Variants in NDST3 observed in about 807,000 individuals in gnomAD.
NDST3 encodes the protein bifunctional heparan sulfate N-deacetylase/N-sulfotransferase 3.
NDST3 carries 58 observed loss-of-function variants against 96.1 expected under a neutral mutation model. That is an observed-to-expected ratio of 0.60 (90% CI 0.49 to 0.75). The LOEUF (loss-of-function observed/expected upper bound fraction) is 0.75. Ranked by LOEUF, NDST3 falls within the 30% of genes least tolerant of loss-of-function variation. The pLI is 0.00. For synonymous variants in NDST3, 333 were observed against 359.7 expected, an observed-to-expected ratio of 0.93 and a Z score of 0.84; for missense variants, 788 against 1,034.2, an observed-to-expected ratio of 0.76 and a Z score of 3.27.
chr4:118,036,755 C>A (rs1724174971), intron 1 of NDST3, among the ~76,000 whole-genome samples: 2 of 152,076 alleles, frequency 1.3e-5, no homozygotes, highest in African/African-American at 2.4e-5. Context: ...TAAACATTTT[C>A]ATCGATTTCA....
At chr4:118,081,451 G>C (rs985281316) in intron 2 of NDST3, among the ~76,000 whole-genome samples, 3 of 152,084 alleles carry the variant, frequency 2.0e-5, no homozygotes, top group African/African-American at 7.2e-5. Flanking sequence ...TGATACAAAA[G>C]TACATTGCAG....
intron 6 of NDST3, among the ~76,000 whole-genome samples, chr4:118,175,190 AC>A (rs1736200266): frequency 6.6e-6 from 1 of 151,974 alleles, no homozygotes; most frequent in Non-Finnish European, 1.5e-5. Context: ...ATTTTTTCCA[AC>A]AGAATCTTTC....
chr4:118,084,707 C>T (rs1299132170), intron 2 of NDST3, among the ~76,000 whole-genome samples: 2 of 152,198 alleles, frequency 1.3e-5, no homozygotes, highest in Non-Finnish European at 2.9e-5. Flanking sequence ...TAGAGATAGA[C>T]TCTTACTATT....
intron 10 of NDST3, among the ~76,000 whole-genome samples, chr4:118,237,431 AT>A (rs2126003550): frequency 6.6e-6 from 1 of 151,806 alleles, no homozygotes; most frequent in African/African-American, 2.4e-5. Context: ...TAATCAATTA[AT>A]TTAATAAAAT....
intron 6 of NDST3, among the ~76,000 whole-genome samples, chr4:118,149,281 A>G (rs1195665498): frequency 6.6e-6 from 1 of 151,840 alleles, no homozygotes; most frequent in East Asian, 1.9e-4. Context: ...GTTTTTTCCA[A>G]TTCTGTGAAG....
At chr4:118,162,405 T>C (rs1381714384) in intron 6 of NDST3, among the ~76,000 whole-genome samples, 2 of 152,058 alleles carry the variant, frequency 1.3e-5, no homozygotes, top group Non-Finnish European at 2.9e-5. Flanking sequence ...AACACAGATA[T>C]AGATCAATGG....
At chr4:118,093,655 T>C (rs1237770742) in intron 2 of NDST3, among the ~76,000 whole-genome samples, 2 of 151,876 alleles carry the variant, frequency 1.3e-5, no homozygotes, top group African/African-American at 2.4e-5. Flanking sequence ...TCCTAACTTA[T>C]CGTATCTAAT....
At chr4:118,041,011 G>T (rs140462712) in intron 1 of NDST3, among the ~76,000 whole-genome samples, 1 of 151,214 alleles carries the variant, frequency 6.6e-6, no homozygotes, top group African/African-American at 2.4e-5. Context: ...GCCTCCCCTC[G>T]TGCTGGGATT....
intron 6 of NDST3, among the ~76,000 whole-genome samples, chr4:118,160,308 C>A (rs1384542754): frequency 6.6e-6 from 1 of 152,012 alleles, no homozygotes; most frequent in East Asian, 1.9e-4. Flanking sequence ...CTATAGCCTG[C>A]AAAATTGTCC....
At chr4:118,088,971 T>C (rs12374268) in intron 2 of NDST3, among the ~76,000 whole-genome samples, 5,069 of 152,048 alleles carry the variant, frequency 0.033, 128 homozygotes, top group Non-Finnish European at 0.052. Flanking sequence ...ATTAAAGCAA[T>C]TGAGTTTCAT....
intron 2 of NDST3, among the ~76,000 whole-genome samples, chr4:118,080,692 A>T (rs1560628601): frequency 6.6e-6 from 1 of 151,742 alleles, no homozygotes; most frequent in Non-Finnish European, 1.5e-5. Flanking sequence ...AATGTCCTTC[A>T]CTCTTCCTAG....
At position 118,149,732 on chromosome 4, in the gene NDST3, T is replaced by A. The variant is rs7665014; in HGVS notation, c.1539+6048T>A. Among the ~76,000 whole-genome samples the A allele has an allele frequency of 8.3e-4, 124 of 149,682 alleles. 1 individual carries two copies. Among genetic ancestry groups the A allele is most frequent in the Non-Finnish European group, 1.6e-3 (106 of 66,556 alleles). On this transcript the variant is annotated intron_variant, in intron 6 of 13. Coordinates refer to ENST00000296499, the MANE Select transcript of NDST3 (RefSeq NM_004784.3). ...ACAATTTGACTTCCTCTTTTCCTAA[T>A]TGAATACCCTTTATTTCCTTCTCCT...
Position 118,254,123 on chromosome 4 carries a change from T to A in NDST3, c.2502+522T>A, listed in dbSNP as rs1349791822. ...AGCTGGGCATGGTGGCAGGCACCTGTAATCCCAACTACTCAGGAGGCTGAG... is the reference window on the plus strand; with the variant it reads ...AGCTGGGCATGGTGGCAGGCACCTGAAATCCCAACTACTCAGGAGGCTGAG... On this transcript the variant is annotated intron_variant, in intron 13 of 13. Transcript: ENST00000296499. Among the ~76,000 whole-genome samples the A allele has an allele frequency of 2.0e-5, 3 of 151,876 alleles. No homozygotes were observed. The East Asian group carries it at 5.8e-4, about 30-fold the overall frequency.
chr4:118,199,589 C>T (rs1201171998), intron 6 of NDST3, among the ~76,000 whole-genome samples: 1 of 152,088 alleles, frequency 6.6e-6, no homozygotes, highest in African/African-American at 2.4e-5. Flanking sequence ...TCATTGAAGT[C>T]ATGTTTTCCT....
chr4:118,056,444 T>C (rs1725436695), intron 2 of NDST3, among the ~76,000 whole-genome samples: 1 of 151,974 alleles, frequency 6.6e-6, no homozygotes, highest in East Asian at 1.9e-4. Flanking sequence ...CATATTTAGA[T>C]AGAAATATAT....
intron 6 of NDST3, among the ~76,000 whole-genome samples, chr4:118,161,932 G>C (rs1205561359): frequency 6.6e-6 from 1 of 152,164 alleles, no homozygotes; most frequent in Admixed American, 6.5e-5. Context: ...CGGTACCTCA[G>C]ATGAAATGCA....
intron 12 of NDST3, among the ~76,000 whole-genome samples, chr4:118,248,450 A>G (rs1007211038): frequency 1.4e-4 from 22 of 152,222 alleles, no homozygotes; most frequent in Admixed American, 1.3e-3. Context: ...TAAATATCCC[A>G]GATGATATTC....
chr4:118,236,933 A>G (rs1415772792), intron 9 of NDST3, 113 bp from the exon 10 acceptor site: 2 of 757,616 alleles, frequency 2.6e-6, no homozygotes, highest in Non-Finnish European at 3.9e-6. Flanking sequence ...TGCTGTAAAG[A>G]AAAAGCCTTT....
intron 2 of NDST3, among the ~76,000 whole-genome samples, chr4:118,068,175 T>TG (rs1300030334): frequency 6.9e-6 from 1 of 145,084 alleles, no homozygotes; most frequent in East Asian, 2.0e-4. Context: ...TCTTTTTTTT[T>TG]TTTTTTTTTT....
Sources: gnomAD v4.1 joint callset for allele counts (sites outside exome capture counted in the v4.1 genomes callset) on GRCh38, gnomAD v4.1.1 for gene constraint, MANE v1.5 for transcripts, NCBI Gene and HGNC (gene_info 2026-07-23, HGNC 2026-07-21) for gene names.